LOXL2: variants seen among roughly 807,000 people sequenced by gnomAD.
LOXL2 encodes lysyl oxidase like 2.
LOXL2 carries 70 observed loss-of-function variants against 93.0 expected under a neutral mutation model. The observed-to-expected ratio is 0.75, with a 90% confidence interval of 0.62 to 0.92. The LOEUF (loss-of-function observed/expected upper bound fraction) is 0.92. Among genes scored for constraint, LOXL2 ranks in the 40% least tolerant of loss-of-function variants. The pLI, the probability that LOXL2 is intolerant of heterozygous loss-of-function variation, is 0.00. For missense variants in LOXL2, 973 were observed against 1,054.9 expected, an observed-to-expected ratio of 0.92 and a Z score of 1.08; for synonymous variants, 438 against 413.2, an observed-to-expected ratio of 1.06 and a Z score of -0.73.
intron 3 of LOXL2, among the ~76,000 whole-genome samples, chr8:23,353,627 G>A (rs530488085): frequency 6.6e-6 from 1 of 152,254 alleles, no homozygotes; most frequent in Non-Finnish European, 1.5e-5. Flanking sequence ...CTGAGAACCT[G>A]CCTGGTTAAT....
intron 3 of LOXL2, among the ~76,000 whole-genome samples, chr8:23,351,900 G>A (rs941268771): frequency 1.3e-5 from 2 of 152,168 alleles, no homozygotes; most frequent in Non-Finnish European, 1.5e-5. Context: ...GAGTGCAGTG[G>A]CTGCAACCTC....
intron 1 of LOXL2, among the ~76,000 whole-genome samples, chr8:23,402,388 G>C (rs1422947856): frequency 2.6e-5 from 4 of 152,218 alleles, no homozygotes; most frequent in African/African-American, 9.6e-5. Flanking sequence ...GTAGCCACTG[G>C]GGCCCATGGG....
At chr8:23,312,652 AAAT>A (rs1803337773) in intron 9 of LOXL2, among the ~76,000 whole-genome samples, 1 of 109,704 alleles carries the variant, frequency 9.1e-6, no homozygotes, top group African/African-American at 3.7e-5. Flanking sequence ...ACGTATTTCA[AAAT>A]AATAAGAGCT....
At chr8:23,369,930 T>C (rs1263152718) in intron 1 of LOXL2, among the ~76,000 whole-genome samples, 2 of 151,984 alleles carry the variant, frequency 1.3e-5, no homozygotes, top group Non-Finnish European at 2.9e-5. Flanking sequence ...CCTTGGGGAG[T>C]AGAAGAGGCA....
intron 1 of LOXL2, among the ~76,000 whole-genome samples, chr8:23,390,934 G>A (rs754563407): frequency 9.9e-5 from 15 of 152,150 alleles, no homozygotes; most frequent in Admixed American, 2.6e-4. Flanking sequence ...CAATCATGGT[G>A]GAAGGTGAAA....
intron 1 of LOXL2, among the ~76,000 whole-genome samples, chr8:23,384,644 G>A (rs1214787205): frequency 6.6e-6 from 1 of 152,160 alleles, no homozygotes; most frequent in African/African-American, 2.4e-5. Context: ...GCCGGGCGTG[G>A]TAGTTCATGC....
chr8:23,342,981 C>T (rs1381108754), intron 3 of LOXL2, among the ~76,000 whole-genome samples: 2 of 152,056 alleles, frequency 1.3e-5, no homozygotes, highest in Non-Finnish European at 2.9e-5. Context: ...GAACTCCTGG[C>T]CTCAAGGCAT....
chr8:23,354,658 C>T (rs1804155740), intron 3 of LOXL2, among the ~76,000 whole-genome samples: 1 of 151,542 alleles, frequency 6.6e-6, no homozygotes, highest in Admixed American at 6.6e-5. Flanking sequence ...TGTCAATATC[C>T]AGCTGGGCAC....
At chr8:23,358,707 T>C (rs1206390422) in intron 3 of LOXL2, among the ~76,000 whole-genome samples, 1 of 152,234 alleles carries the variant, frequency 6.6e-6, no homozygotes, top group Non-Finnish European at 1.5e-5. Flanking sequence ...AATTTAGCCA[T>C]AAATGTGGAT....
At chr8:23,385,609 A>G (rs1804748272) in intron 1 of LOXL2, among the ~76,000 whole-genome samples, 1 of 152,108 alleles carries the variant, frequency 6.6e-6, no homozygotes. Flanking sequence ...TTAATCATTA[A>G]TCAGTATCAA....
At position 23,309,861 on chromosome 8, in the gene LOXL2, G is replaced by A; in HGVS notation, c.1687C>T (p.Leu563=). ...NAEMVQQTTY[L]EDRPMFMLQC... ...AGCATGAACATGGGCCGGTCCTCCA[G>A]GTAGGTGGTCTGCTGCACCATCTCC... The change falls in exon 10 of 14, where the codon CTG becomes TTG. Residue 563 remains leucine (L), a synonymous_variant. Transcript: ENST00000389131. 1 of 1,586,274 alleles carries A rather than the reference G, an allele frequency of 6.3e-7. No individual in the cohort carries two copies. The highest frequency in any genetic ancestry group is 8.6e-7 in the Non-Finnish European group (1 of 1,164,912).
chr8:23,315,394 C>T (rs1408150357), intron 9 of LOXL2, among the ~76,000 whole-genome samples: 1 of 152,178 alleles, frequency 6.6e-6, no homozygotes, highest in Non-Finnish European at 1.5e-5. Flanking sequence ...CAGCCAAGAG[C>T]TGTGTTCCTG....
intron 5 of LOXL2, 132 bp from the exon 6 acceptor site, chr8:23,328,697 C>T: frequency 3.0e-6 from 2 of 677,194 alleles, no homozygotes; most frequent in Middle Eastern, 6.4e-4. Context: ...TGCAACTATG[C>T]TTGATGTATG....
At chr8:23,385,860 T>A in intron 1 of LOXL2, 1 of 719,590 alleles carries the variant, frequency 1.4e-6, no homozygotes, top group Non-Finnish European at 2.6e-6. Context: ...ATGAGATGTT[T>A]TGCGTTCTTT....
intron 3 of LOXL2, 129 bp downstream of exon 3, chr8:23,359,961 C>T: frequency 1.2e-6 from 1 of 818,334 alleles, no homozygotes; most frequent in Non-Finnish European, 1.9e-6. Context: ...GCCCTTGTAT[C>T]TAATCCCATT....
chr8:23,339,152 T>A (rs1203534139), intron 4 of LOXL2, among the ~76,000 whole-genome samples: 1 of 151,810 alleles, frequency 6.6e-6, no homozygotes, highest in Non-Finnish European at 1.5e-5. Flanking sequence ...GGCCTAACTG[T>A]CAACTGAGTC....
chr8:23,316,907 C>T (rs778640877), intron 9 of LOXL2, 42 bp downstream of exon 9: 3 of 1,515,620 alleles, frequency 2.0e-6, no homozygotes, highest in Non-Finnish European at 2.7e-6. Context: ...GGACTCTGGT[C>T]CCCTTGGGAG....
chr8:23,323,047 C>T (rs115378957), intron 6 of LOXL2, among the ~76,000 whole-genome samples: 59 of 152,360 alleles, frequency 3.9e-4, no homozygotes, highest in African/African-American at 1.3e-3. Context: ...TCCAGGCTTA[C>T]TGAGGCCAAA....
intron 12 of LOXL2, among the ~76,000 whole-genome samples, chr8:23,300,092 C>T (rs1202865251): frequency 2.0e-5 from 3 of 152,264 alleles, no homozygotes; most frequent in African/African-American, 7.2e-5. Context: ...CACAGCTCCA[C>T]ATGCCAAGGC....
Sources: allele counts gnomAD v4.1 joint callset (sites outside exome capture counted in the v4.1 genomes callset), GRCh38; gene constraint gnomAD v4.1.1; transcripts MANE v1.5; gene names NCBI Gene and HGNC (gene_info 2026-07-23, HGNC 2026-07-21).